The following ANKS1B variants were observed in gnomAD, a reference collection of about 807,000 sequenced individuals.
ANKS1B encodes ankyrin repeat and sterile alpha motif domain containing 1B, also known as ankyrin repeat and sterile alpha motif domain-containing protein 1B.
A neutral mutation model predicts 148.3 loss-of-function variants in ANKS1B; 36 were observed. The observed-to-expected ratio is 0.24, with a 90% confidence interval of 0.19 to 0.32. ANKS1B has a LOEUF of 0.32. Ranked by LOEUF, ANKS1B falls within the 10% of genes least tolerant of loss-of-function variation. ANKS1B has a pLI of 1.00. For missense variants in ANKS1B, 1,157 were observed against 1,542.6 expected, an observed-to-expected ratio of 0.75 and a Z score of 4.19; for synonymous variants, 542 against 560.8, an observed-to-expected ratio of 0.97 and a Z score of 0.47.
intron 17 of ANKS1B, among the ~76,000 whole-genome samples, chr12:98,851,452 C>T (rs976076707): frequency 3.3e-5 from 5 of 152,116 alleles, no homozygotes; most frequent in Non-Finnish European, 4.4e-5. Flanking sequence ...CAGTCTCAGA[C>T]GTGTGCAAGG....
At position 99,213,280 on chromosome 12, in the gene ANKS1B, C is replaced by T. The variant is rs559457331; in HGVS notation, c.2419+31062G>A. Among the ~76,000 whole-genome samples the T allele has an allele frequency of 2.4e-4, 36 of 152,302 alleles. No individual in the cohort carries two copies. The South Asian group carries it at 5.2e-3, about 22-fold the overall frequency. Reference sequence around the variant, plus strand: ...CCAGGAGGTGCTGGAAGCCTGGCAGCGGGTCATTTCAGCAGCTTGTTTTTA... The same window carrying T: ...CCAGGAGGTGCTGGAAGCCTGGCAGTGGGTCATTTCAGCAGCTTGTTTTTA... On this transcript the variant is annotated intron_variant, in intron 14 of 26. Transcript: ENST00000683438.
At chr12:99,658,057 C>T (rs1203320053) in intron 8 of ANKS1B, among the ~76,000 whole-genome samples, 1 of 152,112 alleles carries the variant, frequency 6.6e-6, no homozygotes, top group Non-Finnish European at 1.5e-5. Context: ...TCACTATACT[C>T]ACCTCAGATT....
chr12:99,616,313 A>G (rs1027348355), intron 9 of ANKS1B, among the ~76,000 whole-genome samples: 9 of 152,220 alleles, frequency 5.9e-5, no homozygotes, highest in Middle Eastern at 3.2e-3. Context: ...ATGGAACCAC[A>G]AAAGAGCCTG....
chr12:99,478,078 T>C (rs2096354544), intron 10 of ANKS1B, among the ~76,000 whole-genome samples: 1 of 152,150 alleles, frequency 6.6e-6, no homozygotes, highest in South Asian at 2.1e-4. Context: ...AAGAAGTTCT[T>C]TGAAATATCT....
At chr12:99,536,032 T>G (rs2097061467) in intron 9 of ANKS1B, among the ~76,000 whole-genome samples, 1 of 152,186 alleles carries the variant, frequency 6.6e-6, no homozygotes, top group Admixed American at 6.5e-5. Flanking sequence ...CAAACTGTCT[T>G]GCACTCACAG....
intron 12 of ANKS1B, among the ~76,000 whole-genome samples, chr12:99,363,884 C>A (rs2092624293): frequency 6.6e-6 from 1 of 152,056 alleles, no homozygotes; most frequent in African/African-American, 2.4e-5. Flanking sequence ...CATTTGAGAC[C>A]ACCAAAGTTG....
chr12:99,050,074 G>A (rs946594232), intron 17 of ANKS1B, among the ~76,000 whole-genome samples: 2 of 152,156 alleles, frequency 1.3e-5, no homozygotes, highest in Admixed American at 1.3e-4. Flanking sequence ...CAAGGTGACT[G>A]TACATTCCCT....
chr12:98,780,456 C>T (rs2098723429), intron 24 of ANKS1B, among the ~76,000 whole-genome samples: 1 of 152,160 alleles, frequency 6.6e-6, no homozygotes, highest in African/African-American at 2.4e-5. Flanking sequence ...CAGTAAAATG[C>T]AACCCCACTG....
chr12:99,160,500 G>A (rs2076542936), intron 14 of ANKS1B, among the ~76,000 whole-genome samples: 1 of 95,578 alleles, frequency 1.0e-5, no homozygotes, highest in South Asian at 4.5e-4. Flanking sequence ...CACCACACCA[G>A]GCTATTTTTT....
chr12:99,238,175 G>A (rs994681745), intron 14 of ANKS1B, among the ~76,000 whole-genome samples: 1 of 152,224 alleles, frequency 6.6e-6, no homozygotes, highest in Admixed American at 6.5e-5. Context: ...TGTACCTGGA[G>A]AAATGGTACA....
chr12:99,355,794 T>C (rs1372186132), intron 12 of ANKS1B, among the ~76,000 whole-genome samples: 1 of 152,124 alleles, frequency 6.6e-6, no homozygotes, highest in East Asian at 1.9e-4. Context: ...GTCCATTTAT[T>C]TGGAATGGTA....
intron 9 of ANKS1B, among the ~76,000 whole-genome samples, chr12:99,570,645 CAAA>C (rs34453262): frequency 1.9e-5 from 2 of 103,488 alleles, no homozygotes; most frequent in Admixed American, 1.0e-4. Context: ...GACTTCGTCT[CAAA>C]AAAAAAAAAA....
At chr12:99,176,263 CAG>C (rs2078369112) in intron 14 of ANKS1B, among the ~76,000 whole-genome samples, 1 of 152,142 alleles carries the variant, frequency 6.6e-6, no homozygotes, top group South Asian at 2.1e-4. Context: ...ATGTTTCCTC[CAG>C]AGTCATTTGC....
chr12:99,764,611 T>G (rs2062470132), intron 8 of ANKS1B, among the ~76,000 whole-genome samples: 1 of 152,054 alleles, frequency 6.6e-6, no homozygotes, highest in Non-Finnish European at 1.5e-5. Context: ...TTAGTAAAGA[T>G]GGAGTTTCAC....
chr12:99,456,010 G>C (rs1275791799), intron 10 of ANKS1B, among the ~76,000 whole-genome samples: 1 of 152,122 alleles, frequency 6.6e-6, no homozygotes. Context: ...GACCCTCAGA[G>C]AGTCCACTTC....
At chr12:99,704,633 T>G (rs542533000) in intron 8 of ANKS1B, among the ~76,000 whole-genome samples, 1 of 151,990 alleles carries the variant, frequency 6.6e-6, no homozygotes, top group Non-Finnish European at 1.5e-5. Context: ...TGAAGCTAAA[T>G]TATATTTCAG....
intron 12 of ANKS1B, among the ~76,000 whole-genome samples, chr12:99,310,796 T>A (rs554102021): frequency 2.0e-5 from 3 of 152,292 alleles, no homozygotes; most frequent in Admixed American, 2.0e-4. Flanking sequence ...TCTGTCTACA[T>A]CCTATTGTTT....
At chr12:99,337,777 T>A (rs767992720) in intron 12 of ANKS1B, among the ~76,000 whole-genome samples, 4 of 152,176 alleles carry the variant, frequency 2.6e-5, no homozygotes, top group Non-Finnish European at 4.4e-5. Flanking sequence ...CCAGCCTTGG[T>A]GGACCTGAGA....
At chr12:99,288,549 C>T (rs965351079) in intron 12 of ANKS1B, among the ~76,000 whole-genome samples, 1 of 152,004 alleles carries the variant, frequency 6.6e-6, no homozygotes, top group Admixed American at 6.6e-5. Context: ...GTGTTTAAAG[C>T]ACCCATATCT....
Sources: gnomAD v4.1 joint callset for allele counts (sites outside exome capture counted in the v4.1 genomes callset) on GRCh38, gnomAD v4.1.1 for gene constraint, MANE v1.5 for transcripts, NCBI Gene and HGNC (gene_info 2026-07-23, HGNC 2026-07-21) for gene names.